ENTREP2: variants seen among roughly 807,000 people sequenced by gnomAD.
ENTREP2 encodes protein ENTREP2.
chr15:29,426,149 TC>T, the ENTREP2 span, among the ~76,000 whole-genome samples: 1 of 152,138 alleles, frequency 6.6e-6, no homozygotes, highest in Non-Finnish European at 1.5e-5. Context: ...ACAAGTCATT[TC>T]CTTTATTCAG....
chr15:29,624,670 T>G, the ENTREP2 span, among the ~76,000 whole-genome samples: 11 of 152,266 alleles, frequency 7.2e-5, no homozygotes, highest in South Asian at 2.1e-3. Flanking sequence ...CAAAACTATT[T>G]ATTTCAAAAT....
chr15:29,324,571 T>C, the ENTREP2 span, among the ~76,000 whole-genome samples: 9 of 152,198 alleles, frequency 5.9e-5, no homozygotes, highest in African/African-American at 2.2e-4. Context: ...AAGAAAGTTA[T>C]AGTGTGCTAT....
At chr15:29,379,231 G>A in the ENTREP2 span, among the ~76,000 whole-genome samples, 1 of 152,170 alleles carries the variant, frequency 6.6e-6, no homozygotes, top group African/African-American at 2.4e-5. Flanking sequence ...TAAACTGCTA[G>A]GGTTCCTTTT....
chr15:29,321,503 G>C, the ENTREP2 span, among the ~76,000 whole-genome samples: 2 of 151,968 alleles, frequency 1.3e-5, no homozygotes. Flanking sequence ...AAAAAAATTA[G>C]CTGGGCATGG....
At chr15:29,203,207 C>T in the ENTREP2 span, among the ~76,000 whole-genome samples, 3 of 152,226 alleles carry the variant, frequency 2.0e-5, no homozygotes, top group South Asian at 6.2e-4. Context: ...TCGAGACCAT[C>T]CTGGCTAACA....
the ENTREP2 span, among the ~76,000 whole-genome samples, chr15:29,633,760 A>T: frequency 1.9e-3 from 288 of 151,020 alleles, 2 homozygotes; most frequent in African/African-American, 6.8e-3. Flanking sequence ...CGGGAGTTCA[A>T]CACCAGCCTG....
chr15:29,475,859 C>T, the ENTREP2 span, among the ~76,000 whole-genome samples: 5 of 152,330 alleles, frequency 3.3e-5, no homozygotes, highest in South Asian at 4.1e-4. Flanking sequence ...GCAGGATCTA[C>T]GGAAGGGCGA....
chr15:29,157,039 G>A, the ENTREP2 span, among the ~76,000 whole-genome samples: 3 of 152,156 alleles, frequency 2.0e-5, no homozygotes, highest in Admixed American at 1.3e-4. Context: ...GGAGGTAGCC[G>A]TGAGCCGAGA....
chr15:29,509,555 C>T, the ENTREP2 span, among the ~76,000 whole-genome samples: 2 of 152,046 alleles, frequency 1.3e-5, no homozygotes, highest in South Asian at 2.1e-4. Flanking sequence ...CCAAAACAGA[C>T]ATACAGGCCA....
chr15:29,573,941 G>A, the ENTREP2 span, among the ~76,000 whole-genome samples: 1 of 152,132 alleles, frequency 6.6e-6, no homozygotes, highest in Non-Finnish European at 1.5e-5. Context: ...GCAATTTGGA[G>A]ATATAAATAG....
At chr15:29,231,313 C>A in the ENTREP2 span, among the ~76,000 whole-genome samples, 15 of 152,150 alleles carry the variant, frequency 9.9e-5, no homozygotes, top group Admixed American at 9.8e-4. Flanking sequence ...TCATACTTGA[C>A]ATAGTCAAAA....
the ENTREP2 span, among the ~76,000 whole-genome samples, chr15:29,444,844 G>A: frequency 1.3e-5 from 2 of 152,328 alleles, no homozygotes; most frequent in South Asian, 4.2e-4. Flanking sequence ...AGGCTCCACA[G>A]TCCCTGGAGG....
the ENTREP2 span, among the ~76,000 whole-genome samples, chr15:29,165,416 A>C: frequency 2.6e-5 from 4 of 152,314 alleles, no homozygotes; most frequent in African/African-American, 9.6e-5. Flanking sequence ...AGGTAAGTAA[A>C]ACTGATAGAC....
the ENTREP2 span, among the ~76,000 whole-genome samples, chr15:29,343,185 G>C: frequency 2.6e-5 from 4 of 152,088 alleles, no homozygotes; most frequent in African/African-American, 9.7e-5. Context: ...AAGTATGATA[G>C]GTTATTTTAT....
chr15:29,637,252 T>C, the ENTREP2 span, among the ~76,000 whole-genome samples: 6 of 152,268 alleles, frequency 3.9e-5, no homozygotes, highest in East Asian at 7.7e-4. Context: ...CAGTAAATCA[T>C]TTCCAAAACC....
At chr15:29,309,954 C>T in the ENTREP2 span, among the ~76,000 whole-genome samples, 4 of 152,052 alleles carry the variant, frequency 2.6e-5, no homozygotes, top group Admixed American at 6.5e-5. Context: ...GAGGGAAACA[C>T]GGGGCCTGGG....
the ENTREP2 span, among the ~76,000 whole-genome samples, chr15:29,632,919 G>A: frequency 3.0e-3 from 459 of 152,264 alleles, 2 homozygotes; most frequent in African/African-American, 0.011. Flanking sequence ...GATTTTGGAC[G>A]GTAATGCAGA....
At chr15:29,432,096 A>G in the ENTREP2 span, among the ~76,000 whole-genome samples, 1 of 152,218 alleles carries the variant, frequency 6.6e-6, no homozygotes, top group Non-Finnish European at 1.5e-5. Context: ...TAGGCAGGCA[A>G]AGTGGATTGT....
the ENTREP2 span, among the ~76,000 whole-genome samples, chr15:29,150,366 G>C: frequency 6.6e-6 from 1 of 152,204 alleles, no homozygotes; most frequent in Non-Finnish European, 1.5e-5. Context: ...TTCTTATTTA[G>C]TTGGCAATTT....
Sources: gnomAD v4.1 joint callset for allele counts (sites outside exome capture counted in the v4.1 genomes callset) on GRCh38, gnomAD v4.1.1 for gene constraint, MANE v1.5 for transcripts, NCBI Gene and HGNC (gene_info 2026-07-23, HGNC 2026-07-21) for gene names.